Variants in EPHB2 observed in about 807,000 individuals in gnomAD.
EPHB2 encodes the protein EPH receptor B2.
Under a neutral mutation model 96.4 loss-of-function variants are expected in EPHB2, and 18 were observed. The ratio of observed to expected loss-of-function variants is 0.19; its 90% CI spans 0.13 to 0.28. The LOEUF is 0.28. Among genes scored for constraint, EPHB2 ranks in the 10% least tolerant of loss-of-function variants. The pLI is 1.00. For missense variants in EPHB2, 989 were observed against 1,355.4 expected (o/e 0.73, Z 4.25); for synonymous variants, 506 against 534.1 (o/e 0.95, Z 0.72).
At chr1:22,774,731 C>A in intron 1 of EPHB2, 1 of 496,296 alleles carries the variant, frequency 2.0e-6, no homozygotes, top group Non-Finnish European at 2.6e-6. Context: ...GAAGGGCGAT[C>A]ACACATGGAC....
intron 3 of EPHB2, among the ~76,000 whole-genome samples, chr1:22,806,310 GAT>G (rs1251950593): frequency 6.6e-6 from 1 of 152,218 alleles, no homozygotes; most frequent in Non-Finnish European, 1.5e-5. Flanking sequence ...GCAGAGCCAG[GAT>G]TCAAGCCAGC....
At chr1:22,826,304 C>T (rs1477237129) in intron 3 of EPHB2, among the ~76,000 whole-genome samples, 1 of 152,196 alleles carries the variant, frequency 6.6e-6, no homozygotes, top group African/African-American at 2.4e-5. Context: ...GTATGTTTGG[C>T]ATTTCCTTGT....
chr1:22,719,078 T>C (rs2148335394), intron 1 of EPHB2, among the ~76,000 whole-genome samples: 1 of 152,312 alleles, frequency 6.6e-6, no homozygotes, highest in East Asian at 1.9e-4. Flanking sequence ...GTCAGAATAA[T>C]GTTGTTCTAA....
chr1:22,720,691 C>G (rs934792485), intron 1 of EPHB2, among the ~76,000 whole-genome samples: 3 of 146,338 alleles, frequency 2.1e-5, no homozygotes, highest in Non-Finnish European at 4.5e-5. Context: ...CACTTACCCC[C>G]GAATTGTCTT....
Position 22,847,436 on chromosome 1 carries a change from C to T in EPHB2, c.812-15601C>T, listed in dbSNP as rs144922469. Among the ~76,000 whole-genome samples the T allele has an allele frequency of 3.3e-5, 5 of 152,230 alleles. No homozygotes were observed. In the East Asian group the frequency reaches 5.8e-4, roughly 18 times the overall value. On this transcript the variant is annotated intron_variant, in intron 3 of 15. Transcript: ENST00000374630. ...TGCTGTTGTTAATAGGTGCTCAGTT[C>T]GTTTTTAATGGTAAAGAGGTGGGGC...
chr1:22,802,230 T>C (rs1267588092), intron 3 of EPHB2, among the ~76,000 whole-genome samples: 1 of 152,024 alleles, frequency 6.6e-6, no homozygotes, highest in Non-Finnish European at 1.5e-5. Flanking sequence ...CCAGTTGGGT[T>C]ATTTGGTTCC....
intron 1 of EPHB2, among the ~76,000 whole-genome samples, chr1:22,747,129 C>T (rs6686970): frequency 0.02 from 3,050 of 152,246 alleles, 101 homozygotes; most frequent in African/African-American, 0.069. Flanking sequence ...TGCTGCTTAC[C>T]AGAAACCCAG....
chr1:22,867,053 C>T (rs1162622649), intron 5 of EPHB2, among the ~76,000 whole-genome samples: 1 of 152,200 alleles, frequency 6.6e-6, no homozygotes, highest in African/African-American at 2.4e-5. Flanking sequence ...GTCCCCATTT[C>T]ACAGATGATG....
chr1:22,838,258 A>G (rs1186330032), intron 3 of EPHB2, among the ~76,000 whole-genome samples: 1 of 152,202 alleles, frequency 6.6e-6, no homozygotes, highest in Non-Finnish European at 1.5e-5. Context: ...TAACCAATGT[A>G]AAAATGCTTT....
chr1:22,741,422 C>G (rs1179819200), intron 1 of EPHB2, among the ~76,000 whole-genome samples: 1 of 152,128 alleles, frequency 6.6e-6, no homozygotes, highest in Non-Finnish European at 1.5e-5. Flanking sequence ...CCTAGTCTCC[C>G]TCTTATCTAA....
chr1:22,857,260 T>C (rs1645714238), intron 3 of EPHB2, among the ~76,000 whole-genome samples: 1 of 152,182 alleles, frequency 6.6e-6, no homozygotes, highest in Non-Finnish European at 1.5e-5. Context: ...CAATCAGGGC[T>C]TCTTTTCCCC....
At position 22,767,355 on chromosome 1, in the gene EPHB2, G is replaced by C. The variant is rs538628198; in HGVS notation, c.62-14066G>C. Among the ~76,000 whole-genome samples the C allele has an allele frequency of 2.6e-5, 4 of 152,250 alleles. 1 individual carries two copies. Among genetic ancestry groups the C allele is most frequent in the African/African-American group, 9.6e-5 (4 of 41,548 alleles). On this transcript the variant is annotated intron_variant, in intron 1 of 15. Coordinates refer to ENST00000374630, the MANE Select transcript of EPHB2 (RefSeq NM_017449.5). ...ACCTGAGACTTTCAACTCCCAAAAG[G>C]CTCCTTGGGATCATGAAAGGAGTTT... is the stretch of plus-strand genomic sequence containing the variant.
chr1:22,888,455 A>G (rs1455706564), intron 6 of EPHB2, among the ~76,000 whole-genome samples: 1 of 152,200 alleles, frequency 6.6e-6, no homozygotes. Context: ...TAAATCTCCA[A>G]AACCACCTTT....
At chr1:22,889,352 A>G (rs1189561879) in intron 6 of EPHB2, among the ~76,000 whole-genome samples, 1 of 152,220 alleles carries the variant, frequency 6.6e-6, no homozygotes. Context: ...GCACCCACCC[A>G]GTTTACAGAA....
chr1:22,913,814 A>G lies in EPHB2; in HGVS notation c.*244A>G. On this transcript the variant is annotated 3_prime_UTR_variant, in exon 16 of 16. Transcript: ENST00000374630. This position sits in a 1 kb window ranked among gnomAD's most constrained non-coding sequence, Gnocchi z 4.1. ...TGGGAGGGGGCGGGAAATACAAGGA[A>G]TATTTTTTAAAGAGGATTCTCATAA... 6.2e-7 allele frequency: 1 copy of G among 1,610,734 alleles called. No individual in the cohort carries two copies. Among genetic ancestry groups the G allele is most frequent in the Non-Finnish European group, 8.5e-7 (1 of 1,178,632 alleles).
At chr1:22,882,187 A>G (rs1240931285) in intron 5 of EPHB2, among the ~76,000 whole-genome samples, 172 bp from the exon 6 acceptor site, 1 of 152,094 alleles carries the variant, frequency 6.6e-6, no homozygotes, top group African/African-American at 2.4e-5. Context: ...ATAGCCCTGC[A>G]TGAGCCCCTC....
intron 1 of EPHB2, among the ~76,000 whole-genome samples, chr1:22,748,256 T>C (rs1363287629): frequency 6.6e-6 from 1 of 152,206 alleles, no homozygotes; most frequent in Non-Finnish European, 1.5e-5. Flanking sequence ...TCCTTCATCA[T>C]ACCCTGCCAA....
At chr1:22,770,934 G>T (rs181643155) in intron 1 of EPHB2, among the ~76,000 whole-genome samples, 1 of 152,108 alleles carries the variant, frequency 6.6e-6, no homozygotes, top group South Asian at 2.1e-4. Flanking sequence ...ATCAATTATC[G>T]CATGGGGCAT....
At chr1:22,876,135 T>C (rs112462600) in intron 5 of EPHB2, among the ~76,000 whole-genome samples, 7 of 152,088 alleles carry the variant, frequency 4.6e-5, no homozygotes, top group Admixed American at 1.3e-4. Flanking sequence ...CAGGGAGACA[T>C]TGGGATCTGC....
Sources: allele counts gnomAD v4.1 joint callset (sites outside exome capture counted in the v4.1 genomes callset), GRCh38; gene constraint gnomAD v4.1.1; non-coding constraint Gnocchi (gnomAD v3.1); transcripts MANE v1.5; gene names NCBI Gene and HGNC (gene_info 2026-07-23, HGNC 2026-07-21).